Variants in ACADL observed in about 807,000 individuals in gnomAD.
ACADL encodes the protein long-chain specific acyl-CoA dehydrogenase, mitochondrial.
ACADL carries 60 observed loss-of-function variants against 56.9 expected under a neutral mutation model. The observed-to-expected ratio is 1.05, with a 90% confidence interval of 0.86 to 1.31. The LOEUF is 1.31. Among genes scored for constraint, ACADL ranks in the 50% most tolerant of loss-of-function variants. The pLI, the probability that ACADL is intolerant of heterozygous loss-of-function variation, is 0.00. For missense variants in ACADL, 484 were observed against 525.5 expected (o/e 0.92, Z 0.77); for synonymous variants, 158 against 179.7 (o/e 0.88, Z 0.97).
At chr2:210,195,171 C>T (rs746107918) in intron 9 of ACADL, 40 bp downstream of exon 9, 1 of 1,613,224 alleles carries the variant, frequency 6.2e-7, no homozygotes, top group Non-Finnish European at 8.5e-7. Context: ...CCATATCAGT[C>T]TGAGCACACA....
At chr2:210,217,725 A>C (rs1328045079) in intron 3 of ACADL, 4 of 491,880 alleles carry the variant, frequency 8.1e-6, no homozygotes, top group Non-Finnish European at 1.4e-5. Flanking sequence ...GGAAAAAAAA[A>C]CTATCTCTTT....
rs1260189243 is a variant in ACADL, at chr2:210,225,361, G to T, written c.-98C>A. 1.8e-4 allele frequency: 249 copies of T among 1,370,258 alleles called. No individual in the cohort carries two copies. Among genetic ancestry groups the T allele is most frequent in the Non-Finnish European group, 2.3e-4 (234 of 1,007,692 alleles). 84.9% of individuals were successfully genotyped at this position (1,370,258 alleles called of 1,614,324 possible). A position where few individuals can be genotyped will look rare whatever the true frequency, so the allele number is the denominator to read the frequency against. ...GGGAGGGAGGACGATCAGCTGAGGC[G>T]TCCACCTGTGGTGTCCTCCCAAAAA... On this transcript the variant is annotated 5_prime_UTR_variant, in exon 1 of 11. Transcript: ENST00000233710.
Position 210,218,023 on chromosome 2 carries a change from C to G in ACADL, c.313G>C (p.Glu105Gln), listed in dbSNP as rs945118268. 1 of 1,613,966 alleles carries G rather than the reference C, an allele frequency of 6.2e-7. No homozygotes were observed. Among genetic ancestry groups the G allele is most frequent in the Non-Finnish European group, 8.5e-7 (1 of 1,180,020 alleles). The change falls in exon 3 of 11, where the codon GAG becomes CAG. Residue 105 changes from glutamate (E) to glutamine (Q), a missense_variant. Physicochemically the swap from Glu to Gln is conservative, Grantham distance 29. Transcript: ENST00000233710. ...TCCCCTCCAATTCCACCAAGATGCT[C>G]TGCAATATTGACACCAAGCAGTCCT... ...KQGLLGVNIA[E>Q]HLGGIGGDLY...
intron 10 of ACADL, among the ~76,000 whole-genome samples, chr2:210,191,791 A>C (rs1347535591): frequency 6.6e-6 from 1 of 152,116 alleles, no homozygotes. Context: ...TGTATAAATA[A>C]AAAATTTCCT....
At chr2:210,212,263 G>A (rs1407471150) in intron 4 of ACADL, among the ~76,000 whole-genome samples, 1 of 152,054 alleles carries the variant, frequency 6.6e-6, no homozygotes, top group Admixed American at 6.6e-5. Context: ...TTAATTTAAG[G>A]ATGTTGTGAT....
At chr2:210,219,681 T>A (rs1689143491) in intron 2 of ACADL, among the ~76,000 whole-genome samples, 2 of 152,184 alleles carry the variant, frequency 1.3e-5, no homozygotes, top group Admixed American at 1.3e-4. Context: ...CTGTACTTTA[T>A]GACAGTTCAA....
At chr2:210,210,113 A>G (rs1688953545) in intron 5 of ACADL, 83 bp downstream of exon 5, 1 of 1,051,468 alleles carries the variant, frequency 9.5e-7, no homozygotes, top group African/African-American at 1.6e-5. Flanking sequence ...TAGATTTAAT[A>G]GAATTAATGA....
chr2:210,216,358 A>G lies in ACADL; in HGVS notation c.525T>C (p.Pro175=). 6.2e-7 allele frequency: 1 copy of G among 1,613,692 alleles called. No homozygotes were observed. The highest frequency in any genetic ancestry group is 1.1e-5 in the South Asian group (1 of 91,078). Residue 175 remains proline (P), a synonymous_variant, in exon 4 of 11, where the codon CCT becomes CCC. Coordinates refer to ENST00000233710, the MANE Select transcript of ACADL (RefSeq NM_001608.4). ...KCIGAIAMTE[P]GAGSDLQGIK... ...AAATATTAACTTACCTTCCAGCTCC[A>G]GGCTCTGTCATTGCTATTGCACCAA...
chr2:210,202,819 C>T (rs555022839), intron 8 of ACADL, among the ~76,000 whole-genome samples: 15 of 152,126 alleles, frequency 9.9e-5, no homozygotes, highest in Non-Finnish European at 1.9e-4. Flanking sequence ...AAAGAGTTGC[C>T]TACCATCAGT....
chr2:210,213,796 C>A (rs1275232405), intron 4 of ACADL, among the ~76,000 whole-genome samples: 1 of 152,122 alleles, frequency 6.6e-6, no homozygotes, highest in African/African-American at 2.4e-5. Flanking sequence ...TGAACTTGGT[C>A]AAAATACTTC....
intron 8 of ACADL, among the ~76,000 whole-genome samples, chr2:210,201,143 G>A (rs978536925): frequency 1.3e-5 from 2 of 152,174 alleles, no homozygotes; most frequent in Admixed American, 1.3e-4. Flanking sequence ...GTTTGCAGAG[G>A]AGAGGAGCCT....
At chr2:210,217,829 T>C in intron 3 of ACADL, 136 bp downstream of exon 3, 1 of 1,221,772 alleles carries the variant, frequency 8.2e-7, no homozygotes, top group Non-Finnish European at 1.2e-6. Flanking sequence ...GGTATAATCT[T>C]TTACATTTTA....
chr2:210,211,021 A>G (rs1688970131), intron 4 of ACADL, among the ~76,000 whole-genome samples: 1 of 152,162 alleles, frequency 6.6e-6, no homozygotes, highest in African/African-American at 2.4e-5. Flanking sequence ...TTATTTTTCT[A>G]AATATAAGAG....
intron 4 of ACADL, among the ~76,000 whole-genome samples, chr2:210,215,085 A>G (rs1433161393): frequency 6.6e-6 from 1 of 152,164 alleles, no homozygotes; most frequent in African/African-American, 2.4e-5. Flanking sequence ...TTTCACTTAC[A>G]CTTCTTTGGC....
At chr2:210,204,413 C>G (rs1688850084) in intron 7 of ACADL, among the ~76,000 whole-genome samples, 168 bp downstream of exon 7, 1 of 151,884 alleles carries the variant, frequency 6.6e-6, no homozygotes, top group African/African-American at 2.4e-5. Flanking sequence ...ACTTAACTAC[C>G]CTATAAAACT....
At position 210,201,472 on chromosome 2, in the gene ACADL, T is replaced by A. The variant is rs568443359; in HGVS notation, c.984+1859A>T. 2.5e-3 allele frequency among the ~76,000 whole-genome samples: 385 copies of A among 152,324 alleles called. 1 individual carries two copies. The highest frequency in any genetic ancestry group is 3.8e-3 in the Non-Finnish European group (261 of 68,032). On this transcript the variant is annotated intron_variant, in intron 8 of 10. Coordinates refer to ENST00000233710, the MANE Select transcript of ACADL (RefSeq NM_001608.4). ...AGTCAAAATTTTACAATTTTGCAAATCAAATACATTTTATATATTTACAAA... is the reference window on the plus strand; with the variant it reads ...AGTCAAAATTTTACAATTTTGCAAAACAAATACATTTTATATATTTACAAA...
At position 210,203,354 on chromosome 2, in the gene ACADL, C is replaced by A. The variant is rs1451982891; in HGVS notation, c.961G>T (p.Gly321Cys). 2.0e-5 allele frequency: 33 copies of A among 1,611,598 alleles called. No individual in the cohort carries two copies. The Admixed American group carries it at 2.2e-4, about 11-fold the overall frequency. Residue 321 changes from glycine to cysteine, a missense_variant, in exon 8 of 11, where the codon GGC (glycine) becomes TGC (cysteine). Gly to Cys is a radical substitution (Grantham distance 159). Transcript: ENST00000233710. The part of the protein sequence containing the change: ...RNYVKQRKAF[G>C]KTVAHLQTVQ... ...ACCTGTAGGTGAGCAACTGTTTTGC[C>A]AAAAGCTTTTCTTTGTTTAACATAG...
intron 9 of ACADL, among the ~76,000 whole-genome samples, chr2:210,194,646 T>C (rs1411485598): frequency 1.3e-5 from 2 of 152,348 alleles, no homozygotes; most frequent in Non-Finnish European, 2.9e-5. Flanking sequence ...GAAACTTTGA[T>C]TGGACAGCCA....
Position 210,192,527 on chromosome 2 carries a change from A to G in ACADL, c.1199+277T>C, listed in dbSNP as rs528593485. On this transcript the variant is annotated intron_variant, in intron 10 of 10. Coordinates refer to ENST00000233710, the MANE Select transcript of ACADL (RefSeq NM_001608.4). ...AATAAAAAAATTAAAAAATTTTTGA[A>G]AATACTATTTGTCCTTCTACATAAG... is the stretch of plus-strand genomic sequence containing the variant. Among the ~76,000 whole-genome samples the G allele has an allele frequency of 3.0e-4, 46 of 152,230 alleles. No homozygotes were observed. In the South Asian group the frequency reaches 9.3e-3, roughly 31 times the overall value.
Sources: gnomAD v4.1 joint callset for allele counts (sites outside exome capture counted in the v4.1 genomes callset) on GRCh38, gnomAD v4.1.1 for gene constraint, MANE v1.5 for transcripts, NCBI Gene and HGNC (gene_info 2026-07-23, HGNC 2026-07-21) for gene names.